Variants in NTRK2 observed in about 807,000 individuals in gnomAD.
NTRK2 encodes the protein neurotrophic receptor tyrosine kinase 2, also known as BDNF/NT-3 growth factors receptor.
In NTRK2, 13 loss-of-function variants were observed where a neutral mutation model predicts 94.5. The ratio of observed to expected loss-of-function variants is 0.14; its 90% CI spans 0.09 to 0.22. The LOEUF is 0.22. Among genes scored for constraint, NTRK2 ranks in the 10% least tolerant of loss-of-function variants. NTRK2 has a pLI of 1.00. For synonymous variants in NTRK2, 372 were observed against 407.4 expected (o/e 0.91, Z 1.05); for missense variants, 639 against 1,071.2 (o/e 0.60, Z 5.63).
intron 15 of NTRK2, among the ~76,000 whole-genome samples, chr9:84,947,376 A>T (rs1184538247): frequency 6.6e-6 from 1 of 152,210 alleles, no homozygotes; most frequent in African/African-American, 2.4e-5. Flanking sequence ...TTGCCACATC[A>T]GGCAACATAT....
chr9:84,850,778 C>T (rs2074726105), intron 12 of NTRK2, among the ~76,000 whole-genome samples: 1 of 152,148 alleles, frequency 6.6e-6, no homozygotes, highest in African/African-American at 2.4e-5. Flanking sequence ...GCAGAAACGC[C>T]CTTTTGGTGT....
intron 6 of NTRK2, among the ~76,000 whole-genome samples, chr9:84,717,101 GT>G (rs1430239340): frequency 6.6e-6 from 1 of 152,172 alleles, no homozygotes; most frequent in African/African-American, 2.4e-5. Context: ...GTGTTTATTT[GT>G]TTTAAGTTCT....
intron 2 of NTRK2, among the ~76,000 whole-genome samples, chr9:84,676,655 G>A (rs1012488773): frequency 2.6e-5 from 4 of 152,228 alleles, no homozygotes; most frequent in African/African-American, 9.6e-5. Flanking sequence ...GCATCCAAAT[G>A]AATGCTGGGG....
chr9:84,840,638 C>T (rs2074126519), intron 12 of NTRK2, among the ~76,000 whole-genome samples: 1 of 152,116 alleles, frequency 6.6e-6, no homozygotes, highest in Non-Finnish European at 1.5e-5. Flanking sequence ...GCTCATATTC[C>T]TCTATTCCTC....
intron 14 of NTRK2, chr9:84,876,546 T>C (rs540257476): frequency 9.5e-7 from 1 of 1,056,266 alleles, no homozygotes; most frequent in East Asian, 5.3e-5. Context: ...TTACCTTCTA[T>C]TAATAGAGTA....
chr9:84,846,782 T>C (rs893243304), intron 12 of NTRK2, among the ~76,000 whole-genome samples: 1 of 152,248 alleles, frequency 6.6e-6, no homozygotes, highest in African/African-American at 2.4e-5. Flanking sequence ...TGCAGGCTGC[T>C]GCCAGCGTAA....
At chr9:84,959,055 C>CT (rs1351295721) in intron 17 of NTRK2, among the ~76,000 whole-genome samples, 1 of 152,226 alleles carries the variant, frequency 6.6e-6, no homozygotes, top group Non-Finnish European at 1.5e-5. Context: ...GTCTCTTCAA[C>CT]TTCTCTATCA....
intron 9 of NTRK2, among the ~76,000 whole-genome samples, chr9:84,730,680 G>T (rs997380388): frequency 1.7e-5 from 2 of 118,464 alleles, no homozygotes; most frequent in Non-Finnish European, 3.2e-5. Context: ...GGCGGAGCTT[G>T]CAGTGAGCCG....
intron 12 of NTRK2, chr9:84,812,377 C>G (rs905497392): frequency 1.9e-6 from 2 of 1,058,206 alleles, no homozygotes; most frequent in African/African-American, 3.3e-5. Flanking sequence ...TTCTCAAAAG[C>G]AGAAACATGC....
rs576710718 is a variant in NTRK2 at position 84,832,443 on chromosome 9, A to G, written c.1397-28597A>G. 5.9e-5 allele frequency among the ~76,000 whole-genome samples: 9 copies of G among 152,328 alleles called. No individual in the cohort carries two copies. In the South Asian group the frequency reaches 1.9e-3, roughly 32 times the overall value. ...ATTTCTTGCTGCAGAGATCCAGGGAAGGATTCCTGGGAAGCTGACATTTCT... is the reference window on the plus strand; with the variant it reads ...ATTTCTTGCTGCAGAGATCCAGGGAGGGATTCCTGGGAAGCTGACATTTCT... On this transcript the variant is annotated intron_variant, in intron 12 of 18. Transcript: ENST00000277120.
intron 14 of NTRK2, 92 bp downstream of exon 14, chr9:84,867,523 G>C (rs1004274147): frequency 1.9e-6 from 2 of 1,063,420 alleles, no homozygotes; most frequent in African/African-American, 3.1e-5. Context: ...GATGACTGGC[G>C]GGGAACAGGG....
chr9:84,984,503 A>G (rs930483120), intron 17 of NTRK2, among the ~76,000 whole-genome samples: 1 of 12,732 alleles, frequency 7.9e-5, no homozygotes, highest in Non-Finnish European at 1.8e-4. Context: ...AACAAAAAAC[A>G]AAAAAAAGAT....
At chr9:84,953,252 C>T (rs1185429657) in intron 16 of NTRK2, among the ~76,000 whole-genome samples, 2 of 152,252 alleles carry the variant, frequency 1.3e-5, no homozygotes, top group Non-Finnish European at 2.9e-5. Context: ...CAGAGGATAA[C>T]TTGTGTTTTC....
rs1455882370 is a variant in NTRK2 at position 84,901,934 on chromosome 9, C to T, written c.1634-32228C>T. On this transcript the variant is annotated intron_variant, in intron 14 of 18. Coordinates refer to ENST00000277120, the MANE Select transcript of NTRK2 (RefSeq NM_006180.6). ...TCATCAGGCTGGGCACGGTGGCTGACGCCTGTAATCCCAGCACTTTGGGAG... is the reference window on the plus strand; with the variant it reads ...TCATCAGGCTGGGCACGGTGGCTGATGCCTGTAATCCCAGCACTTTGGGAG... Among the ~76,000 whole-genome samples the T allele has an allele frequency of 2.0e-5, 3 of 152,218 alleles. No individual in the cohort carries two copies. The East Asian group carries it at 5.8e-4, about 29-fold the overall frequency.
chr9:84,834,432 C>A (rs570328735), intron 12 of NTRK2, among the ~76,000 whole-genome samples: 1 of 152,192 alleles, frequency 6.6e-6, no homozygotes, highest in South Asian at 2.1e-4. Context: ...GATAATTAGG[C>A]CTGAGCCCCA....
At chr9:84,861,788 T>G (rs1047747036) in intron 13 of NTRK2, among the ~76,000 whole-genome samples, 1 of 152,096 alleles carries the variant, frequency 6.6e-6, no homozygotes, top group Admixed American at 6.6e-5. Context: ...TCTTACATCT[T>G]TCATGTGGGT....
At position 85,023,279 on chromosome 9, in the gene NTRK2, G is replaced by A. The variant is rs200318890; in HGVS notation, c.*1842G>A. ...GCTAAACTTGACATCTTTATAACATGAGCCAGATTGAAAGGGAGTGATTTT... is the reference window on the plus strand; with the variant it reads ...GCTAAACTTGACATCTTTATAACATAAGCCAGATTGAAAGGGAGTGATTTT... On this transcript the variant is annotated 3_prime_UTR_variant, in exon 19 of 19. Coordinates refer to ENST00000277120, the MANE Select transcript of NTRK2 (RefSeq NM_006180.6). 3.9e-5 allele frequency: 9 copies of A among 232,824 alleles called. No homozygotes were observed. Among genetic ancestry groups the A allele is most frequent in the Non-Finnish European group, 7.6e-5 (9 of 117,852 alleles). The allele number at this position is 232,824 out of a possible 1,614,324, so 14.4% of individuals were successfully genotyped here. A position where few individuals can be genotyped will look rare whatever the true frequency, so the allele number is the denominator to read the frequency against.
intron 14 of NTRK2, among the ~76,000 whole-genome samples, chr9:84,914,486 C>T (rs547274444): frequency 6.6e-6 from 1 of 152,250 alleles, no homozygotes. Flanking sequence ...CCTCTGACAG[C>T]ACTCCACCAG....
chr9:85,001,657 C>T (rs1368413615), intron 17 of NTRK2, among the ~76,000 whole-genome samples: 1 of 152,198 alleles, frequency 6.6e-6, no homozygotes, highest in Non-Finnish European at 1.5e-5. Context: ...TATCAAAAGA[C>T]CAATGGCTCC....
Sources: gnomAD v4.1 joint callset for allele counts (sites outside exome capture counted in the v4.1 genomes callset) on GRCh38, gnomAD v4.1.1 for gene constraint, MANE v1.5 for transcripts, NCBI Gene and HGNC (gene_info 2026-07-23, HGNC 2026-07-21) for gene names.